Variants in HIVEP1 observed in about 807,000 individuals in gnomAD.
HIVEP1 encodes the protein zinc finger protein 40.
Under a neutral mutation model 180.0 loss-of-function variants are expected in HIVEP1, and 36 were observed. The ratio of observed to expected loss-of-function variants is 0.20; its 90% CI spans 0.15 to 0.26. The LOEUF is 0.26. Among genes scored for constraint, HIVEP1 ranks in the 10% least tolerant of loss-of-function variants. The pLI, the probability that HIVEP1 is intolerant of heterozygous loss-of-function variation, is 1.00. For missense variants in HIVEP1, 3,143 were observed against 3,268.7 expected, an observed-to-expected ratio of 0.96 and a Z score of 0.94; for synonymous variants, 1,239 against 1,239.0, an observed-to-expected ratio of 1.00 and a Z score of 0.00.
At chr6:12,173,420 G>A in the HIVEP1 span, among the ~76,000 whole-genome samples, 1 of 152,102 alleles carries the variant, frequency 6.6e-6, no homozygotes, top group South Asian at 2.1e-4. Flanking sequence ...ACTTTATGAG[G>A]GAAAGAAAGC....
At chr6:12,032,973 G>C (rs992638624) in intron 2 of HIVEP1, among the ~76,000 whole-genome samples, 1 of 152,194 alleles carries the variant, frequency 6.6e-6, no homozygotes, top group Non-Finnish European at 1.5e-5. Flanking sequence ...GTGCTTACAA[G>C]TGATGATGAA....
At chr6:12,197,918 G>A in the HIVEP1 span, among the ~76,000 whole-genome samples, 1 of 152,200 alleles carries the variant, frequency 6.6e-6, no homozygotes, top group Admixed American at 6.5e-5. Context: ...GAATGTCATA[G>A]AAATTTAGAT....
intron 2 of HIVEP1, among the ~76,000 whole-genome samples, chr6:12,024,009 T>C (rs1382451191): frequency 6.6e-6 from 1 of 152,244 alleles, no homozygotes. Flanking sequence ...TTAAGTGCTT[T>C]ACTTTTTCAT....
chr6:12,117,355 A>C (rs80226880), intron 3 of HIVEP1, among the ~76,000 whole-genome samples: 1,763 of 152,342 alleles, frequency 0.012, 33 homozygotes, highest in African/African-American at 0.04. Flanking sequence ...TATATGTAAA[A>C]TCAAAACGTG....
chr6:12,145,229 G>A (rs763431041), intron 7 of HIVEP1, among the ~76,000 whole-genome samples: 2 of 152,128 alleles, frequency 1.3e-5, no homozygotes, highest in Non-Finnish European at 2.9e-5. Context: ...AGACTTGGAT[G>A]CAGCTGGAAA....
At chr6:12,026,925 A>G (rs183197465) in intron 2 of HIVEP1, among the ~76,000 whole-genome samples, 2 of 152,326 alleles carry the variant, frequency 1.3e-5, no homozygotes, top group Admixed American at 6.5e-5. Context: ...TTGATCTGCA[A>G]TTTACTTTTT....
the HIVEP1 span, among the ~76,000 whole-genome samples, chr6:12,196,792 C>T: frequency 1.3e-5 from 2 of 152,194 alleles, no homozygotes; most frequent in African/African-American, 4.8e-5. Flanking sequence ...CACTCGATCT[C>T]AAGCTGCCCG....
At chr6:12,017,699 C>G (rs531598281) in intron 2 of HIVEP1, among the ~76,000 whole-genome samples, 1 of 152,352 alleles carries the variant, frequency 6.6e-6, no homozygotes, top group Admixed American at 6.5e-5. Context: ...CTGAGCTAGA[C>G]ACAAAAGTTC....
In HIVEP1 at chr6:12,102,194, C is replaced by G. The variant is rs146585164; in HGVS notation, c.94+12957C>G. The stretch of plus-strand genomic sequence containing the variant: ...CACTGTTAACAATGGATGGAATCTT[C>G]TAGACAGAAGGTCAGCAAGGAAATA... On this transcript the variant is annotated intron_variant, in intron 3 of 8. Coordinates refer to ENST00000379388, the MANE Select transcript of HIVEP1 (RefSeq NM_002114.4). 2.0e-5 allele frequency among the ~76,000 whole-genome samples: 3 copies of G among 152,194 alleles called. No individual in the cohort carries two copies. In the East Asian group the frequency reaches 5.8e-4, roughly 29 times the overall value.
intron 2 of HIVEP1, among the ~76,000 whole-genome samples, chr6:12,082,802 C>G (rs1309870411): frequency 1.3e-5 from 2 of 152,112 alleles, no homozygotes; most frequent in African/African-American, 4.8e-5. Context: ...TGTTCATCTT[C>G]GAGTATCCTT....
intron 3 of HIVEP1, among the ~76,000 whole-genome samples, chr6:12,103,956 G>C (rs936222265): frequency 1.3e-5 from 2 of 152,042 alleles, no homozygotes; most frequent in Non-Finnish European, 2.9e-5. Context: ...ATTCTTGCTG[G>C]GTTTGGAAGC....
chr6:12,211,439 A>G, the HIVEP1 span, among the ~76,000 whole-genome samples: 1 of 147,632 alleles, frequency 6.8e-6, no homozygotes, highest in Admixed American at 6.8e-5. Flanking sequence ...AGTACTTTGA[A>G]TAATTTTCCC....
At chr6:12,145,006 C>G (rs983170967) in intron 7 of HIVEP1, among the ~76,000 whole-genome samples, 10 of 152,292 alleles carry the variant, frequency 6.6e-5, no homozygotes, top group African/African-American at 2.2e-4. Context: ...TTGATCCAGC[C>G]ATCCCATTAC....
chr6:12,211,406 A>AG, the HIVEP1 span, among the ~76,000 whole-genome samples: 4 of 119,076 alleles, frequency 3.4e-5, 1 homozygote, highest in African/African-American at 1.4e-4. Flanking sequence ...TCTCAAAAAA[A>AG]AAAAAAAAGA....
chr6:12,083,986 A>G lies in HIVEP1; in HGVS notation c.41-5198A>G, dbSNP rs368360303. The stretch of plus-strand genomic sequence containing the variant: ...CTGAGGCATGCCAGCTGTATGAAAT[A>G]CTGTAGAATGCCTTCTGTGTTATCC... On this transcript the variant is annotated intron_variant, in intron 2 of 8. Transcript: ENST00000379388. Among the ~76,000 whole-genome samples the G allele has an allele frequency of 3.3e-5, 5 of 152,240 alleles. 1 individual carries two copies. The highest frequency in any genetic ancestry group is 1.2e-4 in the African/African-American group (5 of 41,550).
the HIVEP1 span, among the ~76,000 whole-genome samples, chr6:12,186,151 A>G: frequency 6.6e-6 from 1 of 152,064 alleles, no homozygotes; most frequent in Non-Finnish European, 1.5e-5. Context: ...AATTTTCATC[A>G]ACTAGTGATC....
In HIVEP1 at chr6:12,123,137, A is replaced by G. The variant is rs773724352; in HGVS notation, c.3342A>G (p.Gln1114=). The part of the protein sequence containing the change: ...MDPKLSTIME[Q]QISSAAQDKI... ...CCAAGCTGTCGACCATCATGGAACAACAGATAAGTTCAGCAGCCCAGGACA... is the reference window on the plus strand; with the variant it reads ...CCAAGCTGTCGACCATCATGGAACAGCAGATAAGTTCAGCAGCCCAGGACA... The change falls in exon 4 of 9, where the codon CAA becomes CAG. Residue 1114 remains glutamine, a synonymous_variant. Transcript: ENST00000379388. The G allele has an allele frequency of 1.2e-6, 2 of 1,614,196 alleles. No individual in the cohort carries two copies. Among genetic ancestry groups the G allele is most frequent in the Non-Finnish European group, 1.7e-6 (2 of 1,180,030 alleles).
chr6:12,184,719 A>C, the HIVEP1 span, among the ~76,000 whole-genome samples: 10 of 152,312 alleles, frequency 6.6e-5, no homozygotes, highest in South Asian at 1.7e-3. Context: ...GAAAAAAATC[A>C]CTTCATATCA....
At chr6:12,104,414 C>CTCTCTG (rs772806336) in intron 3 of HIVEP1, among the ~76,000 whole-genome samples, 1 of 117,800 alleles carries the variant, frequency 8.5e-6, no homozygotes, top group Non-Finnish European at 1.8e-5. Context: ...CTCTCTCTCT[C>CTCTCTG]CTTTTCTTTC....
Sources: gnomAD v4.1 joint callset for allele counts (sites outside exome capture counted in the v4.1 genomes callset) on GRCh38, gnomAD v4.1.1 for gene constraint, MANE v1.5 for transcripts, NCBI Gene and HGNC (gene_info 2026-07-23, HGNC 2026-07-21) for gene names.